MAP4K5: variants seen among roughly 807,000 people sequenced by gnomAD.
The protein encoded by MAP4K5 is mitogen-activated protein kinase kinase kinase kinase 5, also known as MAPK/ERK kinase kinase kinase 5.
MAP4K5 carries 82 observed loss-of-function variants against 135.6 expected under a neutral mutation model. The observed-to-expected ratio is 0.60, with a 90% CI of 0.51 to 0.73. The LOEUF (loss-of-function observed/expected upper bound fraction) is 0.73. MAP4K5 is among the 30% of genes least tolerant of loss of function. The probability of loss-of-function intolerance (pLI) is 0.00; values close to 1 mark genes in which losing one functional copy is unlikely to be tolerated. For missense variants in MAP4K5, 907 were observed against 1,010.9 expected (o/e 0.90, Z 1.39); for synonymous variants, 347 against 335.0 (o/e 1.04, Z -0.39).
chr14:50,473,843 C>T (rs1469533938), intron 9 of MAP4K5, among the ~76,000 whole-genome samples: 2 of 151,372 alleles, frequency 1.3e-5, no homozygotes, highest in African/African-American at 4.9e-5. Flanking sequence ...CCTGCCTCAG[C>T]CTCCCGAGGA....
At chr14:50,514,876 A>G (rs2038000910) in intron 2 of MAP4K5, among the ~76,000 whole-genome samples, 1 of 151,276 alleles carries the variant, frequency 6.6e-6, no homozygotes, top group South Asian at 2.1e-4. Flanking sequence ...TCCTGTAGCT[A>G]TCATATACTA....
intron 32 of MAP4K5, among the ~76,000 whole-genome samples, chr14:50,421,853 A>T (rs970086999): frequency 6.6e-6 from 1 of 150,856 alleles, no homozygotes; most frequent in African/African-American, 2.4e-5. Context: ...TGGTTTCATT[A>T]AAGGATTATC....
intron 14 of MAP4K5, among the ~76,000 whole-genome samples, chr14:50,455,767 G>C (rs2036583421): frequency 1.3e-5 from 2 of 152,150 alleles, no homozygotes; most frequent in East Asian, 3.9e-4. Flanking sequence ...GATTTTGTTA[G>C]TCATAAACCT....
At chr14:50,471,086 T>C (rs2036950432) in intron 9 of MAP4K5, among the ~76,000 whole-genome samples, 1 of 152,132 alleles carries the variant, frequency 6.6e-6, no homozygotes, top group African/African-American at 2.4e-5. Flanking sequence ...ATGTGTGCCA[T>C]GGTGGTTTGC....
intron 13 of MAP4K5, 59 bp from the exon 14 acceptor site, chr14:50,456,653 T>C: frequency 9.6e-7 from 1 of 1,038,112 alleles, no homozygotes; most frequent in Non-Finnish European, 1.4e-6. Flanking sequence ...AGTTAAAAGG[T>C]CAAACTTTCT....
At chr14:50,422,700 A>G (rs1316148885) in intron 32 of MAP4K5, among the ~76,000 whole-genome samples, 1 of 152,194 alleles carries the variant, frequency 6.6e-6, no homozygotes, top group Non-Finnish European at 1.5e-5. Flanking sequence ...AAGAGACCAT[A>G]TAATTCTTTT....
At chr14:50,461,418 AAAAT>A (rs560777389) in intron 13 of MAP4K5, among the ~76,000 whole-genome samples, 2 of 152,140 alleles carry the variant, frequency 1.3e-5, no homozygotes, top group African/African-American at 2.4e-5. Flanking sequence ...AAAGGGAAAT[AAAAT>A]AAATAAATAA....
chr14:50,420,180 G>A lies in MAP4K5; in HGVS notation c.2454-74C>T. The A allele has an allele frequency of 3.8e-6, 3 of 795,798 alleles. No homozygotes were observed. In the South Asian group the frequency reaches 4.4e-5, roughly 12 times the overall value. 49.3% of individuals were successfully genotyped at this position (795,798 alleles called of 1,614,324 possible). A position where few individuals can be genotyped will look rare whatever the true frequency, so the allele number is the denominator to read the frequency against. ...ACATCAAATACTAACATCAAACTAG[G>A]AAAGAATATCATTGTTCACATTTCA... is the stretch of plus-strand genomic sequence containing the variant. On this transcript the variant is annotated intron_variant, in intron 32 of 32. Transcript: ENST00000682126.
At chr14:50,431,602 A>G (rs2035971692) in intron 28 of MAP4K5, among the ~76,000 whole-genome samples, 1 of 152,000 alleles carries the variant, frequency 6.6e-6, no homozygotes. Flanking sequence ...TTATGGCTGC[A>G]CAGTATTCCA....
In MAP4K5 at chr14:50,428,444, C is replaced by T. The variant is rs964748709; in HGVS notation, c.2326+218G>A. Reference sequence around the variant, plus strand: ...CTAATTTTAGTATTTTTAGTAGAGACGGGGTTTCTCTCCATGTTGGCCAGG... The same window carrying T: ...CTAATTTTAGTATTTTTAGTAGAGATGGGGTTTCTCTCCATGTTGGCCAGG... On this transcript the variant is annotated intron_variant, in intron 30 of 32. Coordinates refer to ENST00000682126, the MANE Select transcript of MAP4K5 (RefSeq NM_006575.6). Among the ~76,000 whole-genome samples the T allele has an allele frequency of 3.2e-3, 18 of 5,714 alleles. No individual in the cohort carries two copies. In the Non-Finnish European group the frequency reaches 0.033, roughly 10 times the overall value. The allele number at this position is 5,714 out of a possible 152,430, so 3.7% of individuals were successfully genotyped here.
At chr14:50,455,593 TCTAA>T (rs528959686) in intron 14 of MAP4K5, among the ~76,000 whole-genome samples, 424 of 152,134 alleles carry the variant, frequency 2.8e-3, no homozygotes, top group Non-Finnish European at 4.8e-3. Context: ...GGAAAGATAC[TCTAA>T]CTCTCTAGTG....
At chr14:50,473,227 A>G (rs540106503) in intron 9 of MAP4K5, among the ~76,000 whole-genome samples, 1 of 152,164 alleles carries the variant, frequency 6.6e-6, no homozygotes, top group Admixed American at 6.5e-5. Flanking sequence ...AGTCTTTGTT[A>G]ATTTTGGGGC....
chr14:50,428,510 C>G (rs1312177706), intron 30 of MAP4K5, among the ~76,000 whole-genome samples, 152 bp downstream of exon 30: 1 of 152,162 alleles, frequency 6.6e-6, no homozygotes, highest in East Asian at 1.9e-4. Flanking sequence ...CCCACCTTGG[C>G]CTCCCAAAGT....
intron 9 of MAP4K5, among the ~76,000 whole-genome samples, chr14:50,471,387 GC>G (rs2036958980): frequency 6.6e-6 from 1 of 152,104 alleles, no homozygotes; most frequent in African/African-American, 2.4e-5. Context: ...GGGGTTGCAT[GC>G]CCCTAGCCAT....
At chr14:50,511,833 C>T (rs116631129) in intron 2 of MAP4K5, among the ~76,000 whole-genome samples, 2,173 of 151,936 alleles carry the variant, frequency 0.014, 42 homozygotes, top group African/African-American at 0.05. Context: ...TATGACATTC[C>T]GAAAAAGGCA....
At chr14:50,474,969 G>C in intron 9 of MAP4K5, 108 bp downstream of exon 9, 1 of 943,576 alleles carries the variant, frequency 1.1e-6, no homozygotes. Context: ...CAAAGAGCAC[G>C]CAAATCTCCC....
At chr14:50,513,235 A>T (rs1301961855) in intron 2 of MAP4K5, among the ~76,000 whole-genome samples, 1 of 152,188 alleles carries the variant, frequency 6.6e-6, no homozygotes, top group Non-Finnish European at 1.5e-5. Context: ...CTCTTAATTC[A>T]TATTTCCAAG....
intron 1 of MAP4K5, among the ~76,000 whole-genome samples, chr14:50,542,785 C>A (rs761704674): frequency 4.6e-5 from 7 of 152,106 alleles, no homozygotes; most frequent in Non-Finnish European, 1.0e-4. Context: ...AATTCTGTGC[C>A]CACACCATAA....
intron 3 of MAP4K5, among the ~76,000 whole-genome samples, chr14:50,503,061 C>T (rs369364450): frequency 2.7e-5 from 4 of 150,260 alleles, no homozygotes; most frequent in African/African-American, 4.9e-5. Context: ...ACAAATTTGT[C>T]GGAGAGAAAA....
Sources: gnomAD v4.1 joint callset for allele counts (sites outside exome capture counted in the v4.1 genomes callset) on GRCh38, gnomAD v4.1.1 for gene constraint, MANE v1.5 for transcripts, NCBI Gene and HGNC (gene_info 2026-07-23, HGNC 2026-07-21) for gene names.